ATRNL1: variants seen among roughly 807,000 people sequenced by gnomAD.
The protein encoded by ATRNL1 is attractin like 1.
In ATRNL1, 95 loss-of-function variants were observed where a neutral mutation model predicts 182.7. The observed-to-expected ratio is 0.52, with a 90% CI of 0.44 to 0.62. ATRNL1 has a LOEUF of 0.62. ATRNL1 is among the 20% of genes least tolerant of loss of function. The pLI, the probability that ATRNL1 is intolerant of heterozygous loss-of-function variation, is 0.00. For synonymous variants in ATRNL1, 576 were observed against 568.3 expected (o/e 1.01, Z -0.19); for missense variants, 1,471 against 1,679.5 (o/e 0.88, Z 2.17).
intron 27 of ATRNL1, among the ~76,000 whole-genome samples, chr10:115,741,901 A>G (rs1208643980): frequency 1.3e-5 from 2 of 152,166 alleles, no homozygotes; most frequent in Non-Finnish European, 2.9e-5. Flanking sequence ...AGGCTGAGAA[A>G]GAGTACAGAA....
At position 115,911,442 on chromosome 10, in the gene ATRNL1, C is replaced by G. The variant is rs186947446; in HGVS notation, c.4019-33216C>G. On this transcript the variant is annotated intron_variant, in intron 28 of 28. Coordinates refer to ENST00000355044, the MANE Select transcript of ATRNL1 (RefSeq NM_207303.4). ...AAGCGATTCTCCTGCCTCAGCCTCC[C>G]GAGCAGCTGGGATTACAGGTGCCCA... is the stretch of plus-strand genomic sequence containing the variant. Among the ~76,000 whole-genome samples, 11 of 152,232 alleles carry G rather than the reference C, an allele frequency of 7.2e-5. No homozygotes were observed. The East Asian group carries it at 2.1e-3, about 29-fold the overall frequency.
intron 27 of ATRNL1, among the ~76,000 whole-genome samples, chr10:115,816,430 C>T (rs1950166256): frequency 6.6e-6 from 1 of 152,098 alleles, no homozygotes; most frequent in South Asian, 2.1e-4. Context: ...GTGCCAGATA[C>T]CGGGGCACTC....
chr10:115,126,153 G>T (rs942956428), intron 3 of ATRNL1, among the ~76,000 whole-genome samples: 6 of 152,172 alleles, frequency 3.9e-5, no homozygotes, highest in African/African-American at 1.4e-4. Flanking sequence ...CACCTCCCAG[G>T]TTCAAGCGAT....
chr10:115,213,487 T>C (rs1849109339), intron 8 of ATRNL1, among the ~76,000 whole-genome samples: 1 of 152,120 alleles, frequency 6.6e-6, no homozygotes, highest in Non-Finnish European at 1.5e-5. Context: ...TGAGAAGTGC[T>C]GGGCCTCAGT....
At chr10:115,570,291 T>C (rs1854313921) in intron 26 of ATRNL1, among the ~76,000 whole-genome samples, 2 of 152,120 alleles carry the variant, frequency 1.3e-5, no homozygotes, top group South Asian at 4.1e-4. Context: ...AAGCACTAAT[T>C]CCAATCATGA....
chr10:115,762,416 A>C lies in ATRNL1; in HGVS notation c.3903+35061A>C, dbSNP rs116443525. Among the ~76,000 whole-genome samples the C allele has an allele frequency of 7.7e-3, 1,171 of 152,272 alleles. 12 individuals are homozygous for C. Among genetic ancestry groups the C allele is most frequent in the African/African-American group, 0.024 (982 of 41,566 alleles). On this transcript the variant is annotated intron_variant, in intron 27 of 28. Coordinates refer to ENST00000355044, the MANE Select transcript of ATRNL1 (RefSeq NM_207303.4). ...TAATTTAATGCAGAAAATCTAGTAC[A>C]TCCTAGAAAATAATGAAAAGTTCAA...
chr10:115,535,592 CCTT>C (rs1390082881), intron 25 of ATRNL1, among the ~76,000 whole-genome samples: 8 of 152,130 alleles, frequency 5.3e-5, no homozygotes, highest in African/African-American at 1.7e-4. Context: ...TTGTCTGAAG[CCTT>C]CTTCTCTCAA....
At chr10:115,596,597 G>T (rs1555014046) in intron 26 of ATRNL1, among the ~76,000 whole-genome samples, 2 of 152,134 alleles carry the variant, frequency 1.3e-5, no homozygotes, top group South Asian at 4.1e-4. Flanking sequence ...CTTACAGTAG[G>T]GAAAATGGGC....
intron 9 of ATRNL1, among the ~76,000 whole-genome samples, chr10:115,222,996 T>G (rs1019953466): frequency 3.9e-5 from 6 of 152,080 alleles, no homozygotes; most frequent in African/African-American, 1.2e-4. Flanking sequence ...AGTCTGAAAG[T>G]TGGTCGGGCA....
intron 28 of ATRNL1, among the ~76,000 whole-genome samples, chr10:115,894,311 C>T (rs1429584085): frequency 2.6e-5 from 4 of 152,194 alleles, no homozygotes; most frequent in African/African-American, 9.6e-5. Flanking sequence ...CTTCCTAATT[C>T]CTGAGCATTG....
At chr10:115,140,221 G>T (rs1407161401) in intron 5 of ATRNL1, among the ~76,000 whole-genome samples, 1 of 152,060 alleles carries the variant, frequency 6.6e-6, no homozygotes, top group African/African-American at 2.4e-5. Flanking sequence ...TATGAAATAG[G>T]GAATTTAACT....
chr10:115,428,087 T>G (rs557101958), intron 21 of ATRNL1, among the ~76,000 whole-genome samples: 1 of 152,172 alleles, frequency 6.6e-6, no homozygotes, highest in East Asian at 1.9e-4. Flanking sequence ...ATTTTTACTA[T>G]TAATATTTTA....
At chr10:115,711,076 CT>C (rs1947049890) in intron 26 of ATRNL1, among the ~76,000 whole-genome samples, 1 of 152,032 alleles carries the variant, frequency 6.6e-6, no homozygotes, top group Non-Finnish European at 1.5e-5. Context: ...AATTAGCACT[CT>C]TTTCTTTCTC....
intron 28 of ATRNL1, among the ~76,000 whole-genome samples, chr10:115,849,418 T>G (rs1422274436): frequency 6.6e-6 from 1 of 152,194 alleles, no homozygotes; most frequent in Non-Finnish European, 1.5e-5. Context: ...GTCTGTGTGA[T>G]ATACACCAAG....
At chr10:115,294,122 T>C (rs1853060329) in intron 15 of ATRNL1, among the ~76,000 whole-genome samples, 1 of 152,242 alleles carries the variant, frequency 6.6e-6, no homozygotes, top group African/African-American at 2.4e-5. Flanking sequence ...TTCTTGTAAA[T>C]GCTGTAGGCC....
At chr10:115,390,315 T>C (rs1843954276) in intron 19 of ATRNL1, among the ~76,000 whole-genome samples, 1 of 152,192 alleles carries the variant, frequency 6.6e-6, no homozygotes, top group Non-Finnish European at 1.5e-5. Flanking sequence ...TTCTACAGTT[T>C]TGGGACTTAC....
intron 26 of ATRNL1, among the ~76,000 whole-genome samples, chr10:115,577,610 T>TTG (rs3981280): frequency 0.16 from 22,114 of 134,748 alleles, 1,829 homozygotes; most frequent in South Asian, 0.23. Context: ...TTCTAACAGG[T>TTG]TGTGTGTGTG....
intron 28 of ATRNL1, among the ~76,000 whole-genome samples, chr10:115,941,065 T>C (rs1414523700): frequency 1.3e-5 from 2 of 152,162 alleles, no homozygotes; most frequent in Non-Finnish European, 2.9e-5. Flanking sequence ...GATAAGACTT[T>C]GGGCAAATGG....
Position 115,223,924 on chromosome 10 carries a change from T to TA in ATRNL1, c.1532+8045dup, listed in dbSNP as rs1366253679. 2.4e-4 allele frequency among the ~76,000 whole-genome samples: 20 copies of TA among 81,970 alleles called. No homozygotes were observed. The South Asian group carries it at 7.9e-3, about 33-fold the overall frequency. The allele number at this position is 81,970 out of a possible 152,430, so 53.8% of individuals were successfully genotyped here. The stretch of plus-strand genomic sequence containing the variant: ...GTGTGTGTGTGTGTGTATATATATA[T>TA]ATATATTTTTTTTTTTTTTTTTTTT... On this transcript the variant is annotated intron_variant, in intron 9 of 28. Transcript: ENST00000355044.
Sources: allele counts gnomAD v4.1 joint callset (sites outside exome capture counted in the v4.1 genomes callset), GRCh38; gene constraint gnomAD v4.1.1; transcripts MANE v1.5; gene names NCBI Gene and HGNC (gene_info 2026-07-23, HGNC 2026-07-21).